The following VWC2L variants were observed in gnomAD, a reference collection of about 807,000 sequenced individuals.
VWC2L encodes the protein von Willebrand factor C domain containing 2 like, also known as von Willebrand factor C domain-containing protein 2-like.
A neutral mutation model predicts 21.6 loss-of-function variants in VWC2L; 10 were observed. The ratio of observed to expected loss-of-function variants is 0.46; its 90% CI spans 0.29 to 0.78. VWC2L has a LOEUF of 0.78. VWC2L is among the 30% of genes least tolerant of loss of function. The probability of loss-of-function intolerance (pLI) is 0.10; values close to 1 mark genes in which losing one functional copy is unlikely to be tolerated. For synonymous variants in VWC2L, 96 were observed against 94.3 expected (o/e 1.02, Z -0.10); for missense variants, 209 against 277.1 (o/e 0.75, Z 1.74).
rs1219120629 is a variant in VWC2L, at chr2:214,576,002, T to C, written c.*182T>C. On this transcript the variant is annotated 3_prime_UTR_variant, in exon 4 of 4. Coordinates refer to ENST00000312504, the MANE Select transcript of VWC2L (RefSeq NM_001080500.4). ...GAGGAAATTTCTTTCTCTCTTGCTA[T>C]ATAAAATATATATAGTATATAGCTA... 8 of 538,898 alleles carry C rather than the reference T, an allele frequency of 1.5e-5. No homozygotes were observed. The highest frequency in any genetic ancestry group is 2.5e-5 in the Non-Finnish European group (8 of 315,806). The allele number at this position is 538,898 out of a possible 1,614,324, so 33.4% of individuals were successfully genotyped here.
intron 3 of VWC2L, among the ~76,000 whole-genome samples, chr2:214,482,648 A>T (rs1022650414): frequency 2.0e-5 from 3 of 147,628 alleles, no homozygotes; most frequent in Admixed American, 6.8e-5. Context: ...TTAATAAATA[A>T]ATATATATAT....
At chr2:214,488,655 G>T (rs982852805) in intron 3 of VWC2L, among the ~76,000 whole-genome samples, 2 of 152,168 alleles carry the variant, frequency 1.3e-5, no homozygotes, top group African/African-American at 4.8e-5. Context: ...GTTCTGGGTT[G>T]TTATAAAGGA....
At chr2:214,553,758 A>T (rs1262394505) in intron 3 of VWC2L, among the ~76,000 whole-genome samples, 1 of 152,166 alleles carries the variant, frequency 6.6e-6, no homozygotes, top group Non-Finnish European at 1.5e-5. Flanking sequence ...CCCACTTCCC[A>T]TCACAGCCTG....
chr2:214,417,743 G>A (rs1251311718), intron 2 of VWC2L, among the ~76,000 whole-genome samples: 1 of 152,048 alleles, frequency 6.6e-6, no homozygotes, highest in Admixed American at 6.6e-5. Context: ...TTCATCTGAA[G>A]AATAATAGGA....
intron 3 of VWC2L, among the ~76,000 whole-genome samples, chr2:214,468,663 A>G (rs1703260548): frequency 6.6e-6 from 1 of 152,232 alleles, no homozygotes; most frequent in African/African-American, 2.4e-5. Flanking sequence ...AATTAACTTT[A>G]TCACTCAGTT....
At chr2:214,552,583 G>T (rs1324152788) in intron 3 of VWC2L, among the ~76,000 whole-genome samples, 1 of 152,110 alleles carries the variant, frequency 6.6e-6, no homozygotes, top group Non-Finnish European at 1.5e-5. Flanking sequence ...TCTCTGACTT[G>T]TGTTATATCA....
chr2:214,467,492 C>A (rs917769187), intron 3 of VWC2L, among the ~76,000 whole-genome samples: 5 of 152,210 alleles, frequency 3.3e-5, no homozygotes, highest in Admixed American at 2.0e-4. Context: ...AATCATAGGG[C>A]TCCATTTATT....
intron 3 of VWC2L, among the ~76,000 whole-genome samples, chr2:214,449,631 A>G (rs1021532170): frequency 4.6e-5 from 7 of 152,232 alleles, no homozygotes; most frequent in African/African-American, 1.7e-4. Flanking sequence ...CCTTGCAGCG[A>G]GACCTCTGAT....
At chr2:214,560,473 G>A (rs1335753538) in intron 3 of VWC2L, among the ~76,000 whole-genome samples, 1 of 152,098 alleles carries the variant, frequency 6.6e-6, no homozygotes, top group African/African-American at 2.4e-5. Context: ...CCATTGTGGT[G>A]TGTTATGCAT....
intron 3 of VWC2L, among the ~76,000 whole-genome samples, chr2:214,458,098 A>T (rs10196971): frequency 0.16 from 24,200 of 151,814 alleles, 2,010 homozygotes; most frequent in East Asian, 0.26. Flanking sequence ...TTGTTGGGAG[A>T]CTTTTTATAA....
intron 3 of VWC2L, among the ~76,000 whole-genome samples, chr2:214,479,990 G>A (rs959290099): frequency 2.0e-5 from 3 of 152,030 alleles, no homozygotes; most frequent in Admixed American, 6.6e-5. Flanking sequence ...CTTTTTTCTT[G>A]TAATTACTTT....
chr2:214,502,196 T>C (rs1022450256), intron 3 of VWC2L, among the ~76,000 whole-genome samples: 1 of 152,212 alleles, frequency 6.6e-6, no homozygotes, highest in Non-Finnish European at 1.5e-5. Context: ...GAACTTGAAA[T>C]ATTCGCATGT....
At chr2:214,440,577 A>G (rs1041153558) in intron 3 of VWC2L, among the ~76,000 whole-genome samples, 2 of 152,228 alleles carry the variant, frequency 1.3e-5, no homozygotes, top group Admixed American at 1.3e-4. Context: ...CAATATTTCA[A>G]ACATTGGAAA....
chr2:214,482,153 G>A (rs1293734894), intron 3 of VWC2L, among the ~76,000 whole-genome samples: 1 of 152,082 alleles, frequency 6.6e-6, no homozygotes, highest in Admixed American at 6.6e-5. Flanking sequence ...AGTCGCAATA[G>A]GTCTAAAAAC....
intron 3 of VWC2L, chr2:214,525,031 T>A (rs1370255188): frequency 9.6e-6 from 1 of 104,592 alleles, no homozygotes; most frequent in Non-Finnish European, 2.0e-5. Flanking sequence ...CAAGAAGAGT[T>A]CTCTCTCTGC....
At position 214,559,702 on chromosome 2, in the gene VWC2L, T is replaced by G. The variant is rs544659786; in HGVS notation, c.521-15970T>G. Among the ~76,000 whole-genome samples the G allele has an allele frequency of 3.9e-5, 6 of 152,184 alleles. No individual in the cohort carries two copies. The South Asian group carries it at 1.0e-3, about 26-fold the overall frequency. On this transcript the variant is annotated intron_variant, in intron 3 of 3. Coordinates refer to ENST00000312504, the MANE Select transcript of VWC2L (RefSeq NM_001080500.4). ...ACAGCTCACTGCAGCCTTGAACCCT[T>G]GAGCTTAAGCGATCCTCTCATCTCA...
At chr2:214,445,735 A>G (rs1702828248) in intron 3 of VWC2L, among the ~76,000 whole-genome samples, 1 of 152,010 alleles carries the variant, frequency 6.6e-6, no homozygotes, top group Non-Finnish European at 1.5e-5. Flanking sequence ...ACAAGTATAT[A>G]TTATCCTTGT....
chr2:214,524,969 A>C (rs1181164575), intron 3 of VWC2L, among the ~76,000 whole-genome samples: 2 of 150,462 alleles, frequency 1.3e-5, no homozygotes, highest in Non-Finnish European at 3.0e-5. Flanking sequence ...TGTCAAGTAC[A>C]AGACAGGGCC....
intron 3 of VWC2L, among the ~76,000 whole-genome samples, chr2:214,558,442 T>G (rs1207624586): frequency 6.6e-6 from 1 of 152,164 alleles, no homozygotes; most frequent in East Asian, 1.9e-4. Flanking sequence ...TTGACCTCAT[T>G]CTCTTTTCTC....
Sources: allele counts gnomAD v4.1 joint callset (sites outside exome capture counted in the v4.1 genomes callset), GRCh38; gene constraint gnomAD v4.1.1; transcripts MANE v1.5; gene names NCBI Gene and HGNC (gene_info 2026-07-23, HGNC 2026-07-21).